MRGPRX3: variants seen among roughly 807,000 people sequenced by gnomAD.
MRGPRX3 encodes the protein MAS related GPR family member X3, also known as mas-related G protein-coupled receptor member X3.
A neutral mutation model predicts 16.5 loss-of-function variants in MRGPRX3; 14 were observed. The ratio of observed to expected loss-of-function variants is 0.85; its 90% confidence interval spans 0.56 to 1.33. The LOEUF (loss-of-function observed/expected upper bound fraction) is 1.33, where lower values mean the gene tolerates loss of function less well. MRGPRX3 is among the 40% of genes most tolerant of loss of function. MRGPRX3 has a pLI of 0.00. For missense variants in MRGPRX3, 449 were observed against 413.0 expected (o/e 1.09, Z -0.76); for synonymous variants, 199 against 180.1 (o/e 1.10, Z -0.84).
At chr11:18,130,833 G>C (rs1848954686), upstream of MRGPRX3, among the ~76,000 whole-genome samples, 1 of 151,896 alleles carries the variant, frequency 6.6e-6, no homozygotes, top group South Asian at 2.1e-4. Context: ...CATAAAACTA[G>C]GCACATAGAC....
intron 1 of MRGPRX3, among the ~76,000 whole-genome samples, chr11:18,134,388 G>A (rs1293133264): frequency 2.0e-5 from 3 of 152,224 alleles, no homozygotes; most frequent in South Asian, 2.1e-4. Flanking sequence ...GTACAAACTT[G>A]TATTTCTTTG....
upstream of MRGPRX3, among the ~76,000 whole-genome samples, chr11:18,131,093 A>G (rs554643101): frequency 9.2e-5 from 14 of 152,312 alleles, no homozygotes; most frequent in East Asian, 7.7e-4. Context: ...AGAAGATAAC[A>G]TCAGAAAAAT....
upstream of MRGPRX3, among the ~76,000 whole-genome samples, chr11:18,128,727 G>A (rs184537091): frequency 2.0e-4 from 31 of 152,318 alleles, no homozygotes; most frequent in African/African-American, 6.0e-4. Flanking sequence ...TGCACTTCCC[G>A]GGTGAGGTGA....
Position 18,137,355 on chromosome 11 carries a change from C to T in MRGPRX3, c.153C>T (p.Leu51=), listed in dbSNP as rs1015955125. The change falls in exon 2 of 2, where the codon CTC becomes CTT. Residue 51 remains leucine (L), a synonymous_variant. Coordinates refer to ENST00000621697, the MANE Select transcript of MRGPRX3 (RefSeq NM_001370464.1). ...CAGGAAACGCGGTTGTGCTCTGGCTCCTGGGCTGCCGCATGCGCAGGAACG... is the reference window on the plus strand; with the variant it reads ...CAGGAAACGCGGTTGTGCTCTGGCTTCTGGGCTGCCGCATGCGCAGGAACG... ...ALTGNAVVLW[L]LGCRMRRNAV... 5 of 1,614,078 alleles carry T rather than the reference C, an allele frequency of 3.1e-6. No individual in the cohort carries two copies. The African/African-American group carries it at 5.3e-5, about 17-fold the overall frequency.
rs772974848 is a variant in MRGPRX3, at chr11:18,137,453, C to T, written c.251C>T (p.Pro84Leu). 26 of 1,614,044 alleles carry T rather than the reference C, an allele frequency of 1.6e-5. No individual in the cohort carries two copies. Among genetic ancestry groups the T allele is most frequent in the Admixed American group, 5.0e-5 (3 of 59,998 alleles). ...CTTAGCGGCCACATTATATGTTCGC[C>T]GTTACGCCTCATCAATATCCGCCAT... The part of the protein sequence containing the change: ...LFLSGHIICS[P>L]LRLINIRHPI... Residue 84 changes from proline to leucine, a missense_variant, in exon 2 of 2, where the codon CCG becomes CTG. Transcript: ENST00000621697.
upstream of MRGPRX3, among the ~76,000 whole-genome samples, chr11:18,128,129 G>C (rs1187788866): frequency 6.6e-6 from 1 of 152,220 alleles, no homozygotes; most frequent in African/African-American, 2.4e-5. Flanking sequence ...CGTTCCTCTG[G>C]AAGTTTTGTC....
chr11:18,130,507 C>T (rs901008682), upstream of MRGPRX3, among the ~76,000 whole-genome samples: 1 of 152,010 alleles, frequency 6.6e-6, no homozygotes, highest in African/African-American at 2.4e-5. Flanking sequence ...CAAAACACAG[C>T]TGACATCATA....
chr11:18,133,164 G>A (rs1036049662), intron 1 of MRGPRX3, among the ~76,000 whole-genome samples: 2 of 152,162 alleles, frequency 1.3e-5, no homozygotes, highest in African/African-American at 4.8e-5. Flanking sequence ...CAATAATTAA[G>A]GAGTGTTTCA....
At chr11:18,126,151 G>T (rs1430744376) in intron 1 of MRGPRX3, among the ~76,000 whole-genome samples, 1 of 152,118 alleles carries the variant, frequency 6.6e-6, no homozygotes, top group Admixed American at 6.6e-5. Context: ...TATCCAATTT[G>T]CCAGTCTGTG....
intron 1 of MRGPRX3, among the ~76,000 whole-genome samples, chr11:18,134,355 G>A (rs1487699932): frequency 1.3e-5 from 2 of 152,118 alleles, no homozygotes; most frequent in African/African-American, 4.8e-5. Context: ...AAGGTGTGGC[G>A]GAGTTGTGTA....
chr11:18,128,573 G>A (rs192167581), upstream of MRGPRX3, among the ~76,000 whole-genome samples: 1,070 of 152,290 alleles, frequency 7.0e-3, 12 homozygotes, highest in African/African-American at 0.024. Flanking sequence ...AGGACCCTCC[G>A]AGCCAGGCAC....
chr11:18,130,572 A>G (rs1422346092), upstream of MRGPRX3, among the ~76,000 whole-genome samples: 1 of 152,042 alleles, frequency 6.6e-6, no homozygotes, highest in African/African-American at 2.4e-5. Flanking sequence ...TAGAATCAAT[A>G]TTGTGAAAAT....
chr11:18,137,315 C>T lies in MRGPRX3; in HGVS notation c.113C>T (p.Ser38Phe), dbSNP rs1408869153. The change falls in exon 2 of 2, where the codon TCC becomes TTC. Residue 38 changes from serine (S) to phenylalanine (F), a missense_variant. By Grantham distance (155) the Ser-to-Phe change is radical. Coordinates refer to ENST00000621697, the MANE Select transcript of MRGPRX3 (RefSeq NM_001370464.1). Reference protein sequence around the residue: ...LSFTGLTCIVSLVALTGNAVV... With the variant: ...LSFTGLTCIVFLVALTGNAVV... Reference sequence around the variant, plus strand: ...TTCACGGGGCTGACGTGCATCGTTTCCCTTGTCGCGCTGACAGGAAACGCG... The same window carrying T: ...TTCACGGGGCTGACGTGCATCGTTTTCCTTGTCGCGCTGACAGGAAACGCG... The T allele has an allele frequency of 6.2e-7, 1 of 1,614,066 alleles. No homozygotes were observed. The highest frequency in any genetic ancestry group is 8.5e-7 in the Non-Finnish European group (1 of 1,180,048).
intron 1 of MRGPRX3, among the ~76,000 whole-genome samples, chr11:18,133,243 C>G (rs1258782249): frequency 6.6e-6 from 1 of 152,232 alleles, no homozygotes; most frequent in Non-Finnish European, 1.5e-5. Flanking sequence ...CATAGGGGAG[C>G]ACTACTTCCT....
At chr11:18,128,372 A>C (rs1848924209), upstream of MRGPRX3, among the ~76,000 whole-genome samples, 1 of 152,222 alleles carries the variant, frequency 6.6e-6, no homozygotes, top group Non-Finnish European at 1.5e-5. Context: ...GCCTGCCCCC[A>C]GAGGTGGAGT....
intron 1 of MRGPRX3, among the ~76,000 whole-genome samples, chr11:18,121,442 G>A (rs1363544607): frequency 2.6e-5 from 4 of 152,110 alleles, no homozygotes; most frequent in South Asian, 4.1e-4. Flanking sequence ...CGCTCCGACC[G>A]GGAGGGAGGT....
chr11:18,136,292 C>A (rs531407484), intron 1 of MRGPRX3, among the ~76,000 whole-genome samples: 33 of 152,316 alleles, frequency 2.2e-4, no homozygotes, highest in Middle Eastern at 6.8e-3. Context: ...TGTTGCTGAG[C>A]AATTCAGCTC....
upstream of MRGPRX3, among the ~76,000 whole-genome samples, chr11:18,131,246 C>A (rs1848958395): frequency 6.6e-6 from 1 of 152,116 alleles, no homozygotes; most frequent in African/African-American, 2.4e-5. Flanking sequence ...AGCAAACAGA[C>A]AACCCACCGA....
chr11:18,137,171 T>C lies in MRGPRX3; in HGVS notation c.-25-7T>C. On this transcript the variant is annotated splice_polypyrimidine_tract_variant and splice_region_variant and intron_variant, in intron 1 of 1. Coordinates refer to ENST00000621697, the MANE Select transcript of MRGPRX3 (RefSeq NM_001370464.1). The stretch of plus-strand genomic sequence containing the variant: ...AGCTGGTGATCACATCTGGTTTCTG[T>C]TTCCAGGGTCATCAGACTGGGGTTT... The C allele has an allele frequency of 3.9e-6, 6 of 1,553,790 alleles. No homozygotes were observed. Among genetic ancestry groups the C allele is most frequent in the Non-Finnish European group, 5.2e-6 (6 of 1,148,494 alleles).
Sources: allele counts gnomAD v4.1 joint callset (sites outside exome capture counted in the v4.1 genomes callset), GRCh38; gene constraint gnomAD v4.1.1; transcripts MANE v1.5; gene names NCBI Gene and HGNC (gene_info 2026-07-23, HGNC 2026-07-21).